Variants in ALKBH3 observed in about 807,000 individuals in gnomAD.
ALKBH3 encodes the protein alkB homolog 3, alpha-ketoglutarate dependent dioxygenase.
A neutral mutation model predicts 43.9 loss-of-function variants in ALKBH3; 51 were observed. That is an observed-to-expected ratio of 1.16 (90% CI 0.93 to 1.47). ALKBH3 has a LOEUF of 1.47. Ranked by LOEUF, ALKBH3 falls within the 40% of genes most tolerant of loss-of-function variation. The pLI, the probability that ALKBH3 is intolerant of heterozygous loss-of-function variation, is 0.00. For missense variants in ALKBH3, 361 were observed against 351.9 expected (o/e 1.03, Z -0.21); for synonymous variants, 102 against 115.2 (o/e 0.89, Z 0.73).
chr11:43,903,344 CAT>C (rs1590375834), intron 8 of ALKBH3, among the ~76,000 whole-genome samples: 1 of 152,316 alleles, frequency 6.6e-6, no homozygotes, highest in South Asian at 2.1e-4. Flanking sequence ...ACCAAGTTCA[CAT>C]GTGTGAAAAA....
intron 8 of ALKBH3, among the ~76,000 whole-genome samples, chr11:43,911,455 C>A (rs1284962852): frequency 6.6e-6 from 1 of 152,090 alleles, no homozygotes; most frequent in Non-Finnish European, 1.5e-5. Flanking sequence ...ATCTGAGGTG[C>A]CTGAGGCTTC....
At chr11:43,896,268 T>TACACACACACAC (rs71035662) in intron 7 of ALKBH3, among the ~76,000 whole-genome samples, 12 of 147,370 alleles carry the variant, frequency 8.1e-5, no homozygotes, top group African/African-American at 3.0e-4. Flanking sequence ...ATAGGATAGA[T>TACACACACACAC]ACACACACAC....
intron 7 of ALKBH3, chr11:43,898,599 C>T (rs957417071): frequency 5.4e-6 from 4 of 747,638 alleles, no homozygotes; most frequent in Non-Finnish European, 1.0e-5. Flanking sequence ...GGCCTATCAG[C>T]TCATGGACCT....
At chr11:43,906,733 G>T (rs1440801129) in intron 8 of ALKBH3, among the ~76,000 whole-genome samples, 1 of 152,058 alleles carries the variant, frequency 6.6e-6, no homozygotes, top group Non-Finnish European at 1.5e-5. Flanking sequence ...GTAATAAAAA[G>T]AAATACTTGA....
intron 8 of ALKBH3, among the ~76,000 whole-genome samples, chr11:43,913,106 TAA>T (rs1157441702): frequency 1.4e-4 from 19 of 133,874 alleles, no homozygotes; most frequent in African/African-American, 1.4e-4. Flanking sequence ...TTCCAGTTGT[TAA>T]AAAAAAAAAA....
intron 8 of ALKBH3, chr11:43,918,806 AGCCCTAGGT>A (rs1419768486): frequency 4.1e-6 from 2 of 482,486 alleles, no homozygotes; most frequent in Non-Finnish European, 3.7e-6. Flanking sequence ...GGCTCACCAT[AGCCCTAGGT>A]GGCAGTCACT....
chr11:43,919,776 C>T, intron 9 of ALKBH3, 142 bp from the exon 10 acceptor site: 1 of 764,542 alleles, frequency 1.3e-6, no homozygotes, highest in Non-Finnish European at 2.1e-6. Context: ...CCTTTCTCCA[C>T]AAGACTTCAA....
At position 43,914,529 on chromosome 11, in the gene ALKBH3, G is replaced by A. The variant is rs148873910; in HGVS notation, c.670-4509G>A. 2.3e-3 allele frequency among the ~76,000 whole-genome samples: 348 copies of A among 151,674 alleles called. 1 individual carries two copies. Among genetic ancestry groups the A allele is most frequent in the African/African-American group, 8.0e-3 (332 of 41,338 alleles). On this transcript the variant is annotated intron_variant, in intron 8 of 9. Coordinates refer to ENST00000302708, the MANE Select transcript of ALKBH3 (RefSeq NM_139178.4). ...ACCACCACCAAAAAACAAACTCCAT[G>A]TAGATTAAAGAGTTAAATCTAAAAA... is the stretch of plus-strand genomic sequence containing the variant.
At chr11:43,917,930 G>A (rs905584870) in intron 8 of ALKBH3, among the ~76,000 whole-genome samples, 4 of 152,174 alleles carry the variant, frequency 2.6e-5, no homozygotes, top group Admixed American at 2.6e-4. Context: ...GACTGTTTAT[G>A]CAAGTTCATG....
At chr11:43,907,601 G>T (rs915806951) in intron 8 of ALKBH3, among the ~76,000 whole-genome samples, 4 of 152,096 alleles carry the variant, frequency 2.6e-5, no homozygotes, top group African/African-American at 9.7e-5. Context: ...TAAGCCATCT[G>T]GTATCTGGTG....
rs377650762 is a variant in ALKBH3, at chr11:43,898,721, G to A, written c.460-2795G>A. 7.4e-5 allele frequency: 53 copies of A among 715,742 alleles called. 1 individual carries two copies. Among genetic ancestry groups the A allele is most frequent in the South Asian group, 7.3e-4 (47 of 64,708 alleles). 44.3% of individuals were successfully genotyped at this position (715,742 alleles called of 1,614,324 possible). On this transcript the variant is annotated intron_variant, in intron 7 of 9. Coordinates refer to ENST00000302708, the MANE Select transcript of ALKBH3 (RefSeq NM_139178.4). Reference sequence around the variant, plus strand: ...GCCAGTTACCCTAAGAGACTGGGCCGACTTCTCATCCTGCGGTCACCCAGG... The same window carrying A: ...GCCAGTTACCCTAAGAGACTGGGCCAACTTCTCATCCTGCGGTCACCCAGG...
chr11:43,918,430 T>C (rs1952000439), intron 8 of ALKBH3, among the ~76,000 whole-genome samples: 1 of 152,192 alleles, frequency 6.6e-6, no homozygotes, highest in Non-Finnish European at 1.5e-5. Context: ...AAGCCAGAGC[T>C]CCCTTTGAGA....
intron 7 of ALKBH3, among the ~76,000 whole-genome samples, chr11:43,892,458 A>C (rs1258485048): frequency 1.3e-5 from 2 of 152,138 alleles, no homozygotes; most frequent in African/African-American, 4.8e-5. Context: ...CTGAGTCCTT[A>C]TGACTGACGA....
intron 5 of ALKBH3, among the ~76,000 whole-genome samples, chr11:43,887,134 T>G (rs543515267): frequency 1.3e-5 from 2 of 152,328 alleles, no homozygotes; most frequent in African/African-American, 4.8e-5. Context: ...TTATTTCAAA[T>G]AGGTAACTTC....
intron 1 of ALKBH3, among the ~76,000 whole-genome samples, chr11:43,881,725 C>CTA: frequency 6.6e-6 from 1 of 152,284 alleles, no homozygotes; most frequent in East Asian, 1.9e-4. Flanking sequence ...ACCTGGGAAT[C>CTA]TATAGTCTAA....
At chr11:43,909,206 A>G (rs1047161991) in intron 8 of ALKBH3, 2 of 152,230 alleles carry the variant, frequency 1.3e-5, no homozygotes, top group Non-Finnish European at 1.5e-5. Context: ...TTCTGTTTTT[A>G]AAGTAATGTA....
intron 7 of ALKBH3, among the ~76,000 whole-genome samples, chr11:43,900,215 A>AATTTTTTTTTTTTTTTT (rs1554976906): frequency 3.4e-5 from 3 of 87,150 alleles, no homozygotes; most frequent in African/African-American, 8.9e-5. Context: ...TTTTAATTTA[A>AATTTTTTTTTTTTTTTT]TTTTTTTTTT....
chr11:43,917,360 A>G (rs779313557), intron 8 of ALKBH3, among the ~76,000 whole-genome samples: 2 of 152,074 alleles, frequency 1.3e-5, no homozygotes, highest in Non-Finnish European at 2.9e-5. Context: ...GTTCTAGGAG[A>G]TCTTCATCTC....
chr11:43,907,143 G>A (rs1296207227), intron 8 of ALKBH3, among the ~76,000 whole-genome samples: 1 of 152,138 alleles, frequency 6.6e-6, no homozygotes, highest in East Asian at 1.9e-4. Flanking sequence ...TGGTAATTGG[G>A]TTTTTGAGTT....
Sources: gnomAD v4.1 joint callset for allele counts (sites outside exome capture counted in the v4.1 genomes callset) on GRCh38, gnomAD v4.1.1 for gene constraint, MANE v1.5 for transcripts, NCBI Gene and HGNC (gene_info 2026-07-23, HGNC 2026-07-21) for gene names.